Variants in ADAM12 observed in about 807,000 individuals in gnomAD.
The protein encoded by ADAM12 is disintegrin and metalloproteinase domain-containing protein 12.
A neutral mutation model predicts 106.4 loss-of-function variants in ADAM12; 70 were observed. That is an observed-to-expected ratio of 0.66 (90% CI 0.54 to 0.80). The LOEUF (loss-of-function observed/expected upper bound fraction) is 0.80, where lower values mean the gene tolerates loss of function less well. Ranked by LOEUF, ADAM12 falls within the 30% of genes least tolerant of loss-of-function variation. The pLI is 0.00. For synonymous variants in ADAM12, 420 were observed against 433.5 expected, an observed-to-expected ratio of 0.97 and a Z score of 0.39; for missense variants, 1,010 against 1,171.9, an observed-to-expected ratio of 0.86 and a Z score of 2.02.
At chr10:126,063,283 C>A (rs1188741682) in intron 14 of ADAM12, among the ~76,000 whole-genome samples, 3 of 152,196 alleles carry the variant, frequency 2.0e-5, no homozygotes, top group African/African-American at 7.2e-5. Context: ...GCTGCCCTTT[C>A]TTTTCCCCCC....
chr10:126,185,546 T>C (rs1957386206), intron 3 of ADAM12, among the ~76,000 whole-genome samples: 1 of 152,124 alleles, frequency 6.6e-6, no homozygotes, highest in Non-Finnish European at 1.5e-5. Context: ...AATTGTGGTC[T>C]ATTATATGCT....
intron 3 of ADAM12, among the ~76,000 whole-genome samples, chr10:126,245,325 C>T (rs551056660): frequency 2.1e-4 from 32 of 152,290 alleles, no homozygotes; most frequent in Admixed American, 3.3e-4. Flanking sequence ...CCCCCAGAGA[C>T]GCTGAAGAAC....
At chr10:126,209,574 T>C (rs1259710023) in intron 3 of ADAM12, among the ~76,000 whole-genome samples, 2 of 152,068 alleles carry the variant, frequency 1.3e-5, no homozygotes, top group African/African-American at 4.8e-5. Context: ...AACACAGGAG[T>C]CAGATTTTAC....
intron 8 of ADAM12, among the ~76,000 whole-genome samples, chr10:126,101,505 G>A (rs1286342374): frequency 1.3e-5 from 2 of 152,170 alleles, no homozygotes; most frequent in African/African-American, 4.8e-5. Flanking sequence ...GCATTTGTAT[G>A]GAAGCATACA....
intron 3 of ADAM12, among the ~76,000 whole-genome samples, chr10:126,178,187 G>A (rs1181737017): frequency 2.7e-5 from 4 of 150,790 alleles, no homozygotes; most frequent in Admixed American, 6.6e-5. Context: ...CTCTTATGTA[G>A]AGAATAAACA....
intron 3 of ADAM12, among the ~76,000 whole-genome samples, chr10:126,244,952 T>C (rs190253912): frequency 7.2e-5 from 11 of 152,202 alleles, no homozygotes; most frequent in Non-Finnish European, 5.9e-5. Context: ...AGCCAAGACA[T>C]AGAGATGTCA....
chr10:126,160,029 A>T (rs1395570780), intron 3 of ADAM12, among the ~76,000 whole-genome samples: 1 of 152,202 alleles, frequency 6.6e-6, no homozygotes, highest in Admixed American at 6.5e-5. Flanking sequence ...AGTTTTTCTT[A>T]TGCAGTCTGG....
chr10:126,186,781 C>T (rs770912547), intron 3 of ADAM12, among the ~76,000 whole-genome samples: 5 of 152,152 alleles, frequency 3.3e-5, no homozygotes, highest in Admixed American at 1.3e-4. Flanking sequence ...GAATGCATCG[C>T]GGATGGACAG....
intron 4 of ADAM12, among the ~76,000 whole-genome samples, chr10:126,149,436 CTG>C (rs1445033437): frequency 2.6e-5 from 4 of 152,272 alleles, no homozygotes; most frequent in Non-Finnish European, 4.4e-5. Context: ...GGAAAAAGTA[CTG>C]TGATAGTAAA....
At chr10:126,222,489 G>A (rs1958113401) in intron 3 of ADAM12, among the ~76,000 whole-genome samples, 1 of 150,756 alleles carries the variant, frequency 6.6e-6, no homozygotes. Context: ...CTCCCAGTGA[G>A]TGCTCGGCAT....
chr10:126,183,284 G>A (rs1325541349), intron 3 of ADAM12, among the ~76,000 whole-genome samples: 1 of 152,196 alleles, frequency 6.6e-6, no homozygotes, highest in Non-Finnish European at 1.5e-5. Context: ...CATAATAAAT[G>A]TAATAAGCTT....
At chr10:126,272,152 G>A (rs943345319) in intron 3 of ADAM12, among the ~76,000 whole-genome samples, 2 of 152,206 alleles carry the variant, frequency 1.3e-5, no homozygotes, top group Non-Finnish European at 2.9e-5. Context: ...GATCTGCTTA[G>A]TGTTGGGCTC....
At chr10:126,328,772 G>T (rs2133848346) in intron 2 of ADAM12, among the ~76,000 whole-genome samples, 1 of 152,302 alleles carries the variant, frequency 6.6e-6, no homozygotes, top group South Asian at 2.1e-4. Flanking sequence ...CACCCACAGG[G>T]CTCTCATTCT....
chr10:126,343,292 C>T (rs565272932), intron 1 of ADAM12, among the ~76,000 whole-genome samples: 4 of 150,692 alleles, frequency 2.7e-5, no homozygotes, highest in Admixed American at 6.7e-5. Flanking sequence ...GGTTTTTTGT[C>T]CTTGCAATAG....
At chr10:126,104,522 G>A (rs1199261869) in intron 8 of ADAM12, among the ~76,000 whole-genome samples, 7 of 151,948 alleles carry the variant, frequency 4.6e-5, no homozygotes, top group Admixed American at 4.6e-4. Flanking sequence ...TCAGAAGCAG[G>A]TCCCTGAATT....
At chr10:126,082,363 G>GTTT (rs5788763) in intron 11 of ADAM12, among the ~76,000 whole-genome samples, 1,385 of 80,754 alleles carry the variant, frequency 0.017, 254 homozygotes, top group East Asian at 0.11. Context: ...TCTAATGACT[G>GTTT]TTTTTTTTTT....
At chr10:126,306,943 A>T (rs1369950599) in intron 2 of ADAM12, among the ~76,000 whole-genome samples, 1 of 152,130 alleles carries the variant, frequency 6.6e-6, no homozygotes, top group Non-Finnish European at 1.5e-5. Context: ...CTCCTTAGAC[A>T]TTGCTTCTTT....
At chr10:126,384,278 T>C (rs1283553458) in intron 1 of ADAM12, among the ~76,000 whole-genome samples, 1 of 152,204 alleles carries the variant, frequency 6.6e-6, no homozygotes, top group Non-Finnish European at 1.5e-5. Context: ...ATTGCTGCTG[T>C]CATGTTTTTT....
chr10:126,268,152 C>T (rs1186818944), intron 3 of ADAM12, among the ~76,000 whole-genome samples: 1 of 152,170 alleles, frequency 6.6e-6, no homozygotes, highest in Non-Finnish European at 1.5e-5. Flanking sequence ...AACCACCATT[C>T]TACTTTCTGT....
Sources: gnomAD v4.1 joint callset for allele counts (sites outside exome capture counted in the v4.1 genomes callset) on GRCh38, gnomAD v4.1.1 for gene constraint, MANE v1.5 for transcripts, NCBI Gene and HGNC (gene_info 2026-07-23, HGNC 2026-07-21) for gene names.